AUTS2: variants seen among roughly 807,000 people sequenced by gnomAD.
AUTS2 encodes activator of transcription and developmental regulator AUTS2, also known as autism susceptibility gene 2 protein.
In AUTS2, 17 loss-of-function variants were observed where a neutral mutation model predicts 112.4. The observed-to-expected ratio is 0.15, with a 90% CI of 0.10 to 0.23. AUTS2 has a LOEUF of 0.23. AUTS2 is among the 10% of genes least tolerant of loss of function. AUTS2 has a pLI of 1.00. For missense variants in AUTS2, 1,510 were observed against 1,701.6 expected, an observed-to-expected ratio of 0.89 and a Z score of 1.98; for synonymous variants, 751 against 702.7, an observed-to-expected ratio of 1.07 and a Z score of -1.09.
At chr7:69,938,508 A>G (rs563094364) in intron 2 of AUTS2, among the ~76,000 whole-genome samples, 1 of 152,382 alleles carries the variant, frequency 6.6e-6, no homozygotes, top group Admixed American at 6.5e-5. Flanking sequence ...GCATGATTGT[A>G]TCCACCATTG....
intron 6 of AUTS2, among the ~76,000 whole-genome samples, chr7:70,734,160 T>C (rs1787631606): frequency 6.6e-6 from 1 of 151,548 alleles, no homozygotes; most frequent in South Asian, 2.1e-4. Context: ...AAAACCCTGG[T>C]CGGGTGTGGT....
intron 6 of AUTS2, among the ~76,000 whole-genome samples, chr7:70,761,072 T>C (rs10215747): frequency 0.029 from 4,398 of 152,324 alleles, 220 homozygotes; most frequent in African/African-American, 0.1. Flanking sequence ...CAAAAGAACA[T>C]TGAAAATAAT....
chr7:69,606,429 G>A (rs541381097), intron 1 of AUTS2, among the ~76,000 whole-genome samples: 1 of 152,278 alleles, frequency 6.6e-6, no homozygotes, highest in East Asian at 1.9e-4. Flanking sequence ...GTGTATGTGT[G>A]CACGCACCTG....
chr7:69,758,127 A>G (rs1280503701), intron 1 of AUTS2, among the ~76,000 whole-genome samples: 1 of 152,210 alleles, frequency 6.6e-6, no homozygotes, highest in African/African-American at 2.4e-5. Flanking sequence ...TTCTGCTGTA[A>G]TCATTGAGGT....
intron 6 of AUTS2, among the ~76,000 whole-genome samples, chr7:70,747,287 G>T (rs1788512135): frequency 1.3e-5 from 2 of 152,220 alleles, no homozygotes; most frequent in Admixed American, 1.3e-4. Flanking sequence ...CAACTTGGTT[G>T]TCTGAGAGCA....
intron 5 of AUTS2, among the ~76,000 whole-genome samples, chr7:70,647,387 A>G (rs1806230417): frequency 6.6e-6 from 1 of 152,236 alleles, no homozygotes; most frequent in African/African-American, 2.4e-5. Context: ...TGCCTGGACA[A>G]GATGACCGGT....
intron 1 of AUTS2, among the ~76,000 whole-genome samples, chr7:69,851,011 A>G (rs1348122521): frequency 6.6e-6 from 1 of 152,194 alleles, no homozygotes; most frequent in Non-Finnish European, 1.5e-5. Context: ...CCCATTTTAA[A>G]TTAAGTTTTG....
chr7:69,877,682 TC>T, intron 1 of AUTS2, among the ~76,000 whole-genome samples: 1 of 152,272 alleles, frequency 6.6e-6, no homozygotes. Context: ...AGTGTTTAGT[TC>T]CCACTTACGG....
At chr7:69,885,689 T>C (rs1794242826) in intron 1 of AUTS2, among the ~76,000 whole-genome samples, 2 of 152,298 alleles carry the variant, frequency 1.3e-5, no homozygotes, top group South Asian at 4.1e-4. Context: ...AAGTCACTTG[T>C]TTACCCAGCC....
rs773196428 is a variant in AUTS2 at position 70,781,877 on chromosome 7, CA to C, written c.2146+122del. 6.5e-4 allele frequency: 873 copies of C among 1,337,300 alleles called. 1 individual carries two copies. The highest frequency in any genetic ancestry group is 7.9e-4 in the Admixed American group (33 of 41,600). The allele number at this position is 1,337,300 out of a possible 1,614,324, so 82.8% of individuals were successfully genotyped here. Reference sequence around the variant, plus strand: ...CCACCTACAAAAATACAGTTAATGCCAGCTTGCAAGGCAACATCGCAGCACA... The same window carrying C: ...CCACCTACAAAAATACAGTTAATGCCGCTTGCAAGGCAACATCGCAGCACA... On this transcript the variant is annotated intron_variant, in intron 15 of 18. Transcript: ENST00000342771.
rs572140455 is a variant in AUTS2 at position 70,706,969 on chromosome 7, C to T, written c.742+8349C>T. Reference sequence around the variant, plus strand: ...TTTGAATCTCAGTGCTTTGAAGACGCTTACTAGCTGTGGAACTTTGGGCTA... The same window carrying T: ...TTTGAATCTCAGTGCTTTGAAGACGTTTACTAGCTGTGGAACTTTGGGCTA... On this transcript the variant is annotated intron_variant, in intron 6 of 18. Transcript: ENST00000342771. 7.9e-5 allele frequency among the ~76,000 whole-genome samples: 12 copies of T among 152,334 alleles called. No homozygotes were observed. The East Asian group carries it at 2.3e-3, about 29-fold the overall frequency.
In AUTS2 at chr7:69,598,973, T is replaced by G. The variant is rs1437665407; in HGVS notation, c.-681T>G. 6.6e-6 allele frequency: 1 copy of G among 152,182 alleles called. No homozygotes were observed. The highest frequency in any genetic ancestry group is 1.5e-5 in the Non-Finnish European group (1 of 68,132). The allele number at this position is 152,182 out of a possible 1,614,324, so 9.4% of individuals were successfully genotyped here. On this transcript the variant is annotated 5_prime_UTR_variant, in exon 1 of 19. Coordinates refer to ENST00000342771, the MANE Select transcript of AUTS2 (RefSeq NM_015570.4). ...ATGATTGCATTATTATGCTCCCCTC[T>G]CTGGGGGGTCTCGCCCCTCTTGGGT...
At chr7:70,529,378 G>A (rs777480437) in intron 5 of AUTS2, among the ~76,000 whole-genome samples, 5 of 152,144 alleles carry the variant, frequency 3.3e-5, no homozygotes, top group African/African-American at 4.8e-5. Flanking sequence ...AGTGACTCTC[G>A]TTTTACAAAT....
At chr7:69,923,806 C>T (rs999226674) in intron 2 of AUTS2, among the ~76,000 whole-genome samples, 5 of 152,174 alleles carry the variant, frequency 3.3e-5, no homozygotes, top group African/African-American at 1.2e-4. Context: ...CATTCTGCAA[C>T]CTTGCTAAAC....
intron 1 of AUTS2, among the ~76,000 whole-genome samples, chr7:69,689,570 G>A (rs190032742): frequency 3.3e-5 from 5 of 150,678 alleles, no homozygotes; most frequent in African/African-American, 1.2e-4. Context: ...TTGAACTCCT[G>A]ACCTCGTGAT....
chr7:70,700,607 G>T (rs973546891), intron 6 of AUTS2, among the ~76,000 whole-genome samples: 4 of 149,756 alleles, frequency 2.7e-5, no homozygotes, highest in East Asian at 2.3e-4. Context: ...ATTAAGGGGG[G>T]TGTGGAGGGG....
chr7:70,362,680 C>T (rs1792327177), intron 4 of AUTS2, among the ~76,000 whole-genome samples: 1 of 151,878 alleles, frequency 6.6e-6, no homozygotes, highest in Admixed American at 6.6e-5. Context: ...TCTCTCTCCT[C>T]TTTGATTTTA....
intron 1 of AUTS2, among the ~76,000 whole-genome samples, chr7:69,891,185 C>G (rs1794504886): frequency 6.6e-6 from 1 of 152,172 alleles, no homozygotes; most frequent in Non-Finnish European, 1.5e-5. Flanking sequence ...CTGTTGCTAT[C>G]AATTAGTTCA....
intron 5 of AUTS2, among the ~76,000 whole-genome samples, chr7:70,549,780 A>C (rs1212810940): frequency 6.6e-6 from 1 of 152,208 alleles, no homozygotes; most frequent in Non-Finnish European, 1.5e-5. Context: ...ACCTGACCAG[A>C]ACAGACAAGA....
Sources: allele counts gnomAD v4.1 joint callset (sites outside exome capture counted in the v4.1 genomes callset), GRCh38; gene constraint gnomAD v4.1.1; transcripts MANE v1.5; gene names NCBI Gene and HGNC (gene_info 2026-07-23, HGNC 2026-07-21).